EYS: variants seen among roughly 807,000 people sequenced by gnomAD.
EYS encodes the protein EGF-like photoreceptor maintenance factor, also known as protein eyes shut homolog.
Under a neutral mutation model 282.1 loss-of-function variants are expected in EYS, and 250 were observed. The observed-to-expected ratio is 0.89, with a 90% CI of 0.80 to 0.98. The LOEUF (loss-of-function observed/expected upper bound fraction) is 0.98. EYS is among the 50% of genes least tolerant of loss of function. The pLI, the probability that EYS is intolerant of heterozygous loss-of-function variation, is 0.00. For missense variants in EYS, 4,016 were observed against 3,709.0 expected (o/e 1.08, Z -2.15); for synonymous variants, 1,355 against 1,282.9 (o/e 1.06, Z -1.20).
At chr6:63,907,169 A>G (rs1276276496) in intron 35 of EYS, among the ~76,000 whole-genome samples, 4 of 152,126 alleles carry the variant, frequency 2.6e-5, no homozygotes, top group African/African-American at 9.7e-5. Context: ...CTTCCTTGTT[A>G]CCTTTTCTTT....
intron 32 of EYS, among the ~76,000 whole-genome samples, chr6:64,073,561 A>G (rs62415299): frequency 0.039 from 5,972 of 151,952 alleles, 182 homozygotes; most frequent in Non-Finnish European, 0.056. Flanking sequence ...GGGAAAAGTT[A>G]GTGGCAATTA....
chr6:65,566,763 C>G (rs1470721979), intron 2 of EYS, among the ~76,000 whole-genome samples: 1 of 152,088 alleles, frequency 6.6e-6, no homozygotes, highest in Non-Finnish European at 1.5e-5. Context: ...AAATTATACA[C>G]AATGAATTCA....
intron 13 of EYS, among the ~76,000 whole-genome samples, chr6:65,052,189 C>T (rs1291466563): frequency 6.6e-6 from 1 of 151,368 alleles, no homozygotes; most frequent in Non-Finnish European, 1.5e-5. Flanking sequence ...TTTTCACATA[C>T]CCAACCCCAT....
intron 30 of EYS, among the ~76,000 whole-genome samples, chr6:64,251,908 GA>G (rs747133639): frequency 2.0e-5 from 3 of 152,060 alleles, no homozygotes; most frequent in Admixed American, 1.3e-4. Flanking sequence ...GAGGTCAACT[GA>G]TTTAAATCCT....
intron 1 of EYS, among the ~76,000 whole-genome samples, chr6:65,678,409 T>C (rs577868126): frequency 2.0e-5 from 3 of 152,110 alleles, no homozygotes; most frequent in South Asian, 4.1e-4. Context: ...TCAGATGCAA[T>C]AGAATAAAAT....
intron 5 of EYS, among the ~76,000 whole-genome samples, chr6:65,477,408 C>T (rs990744809): frequency 6.6e-6 from 1 of 152,186 alleles, no homozygotes; most frequent in African/African-American, 2.4e-5. Context: ...AAAAGACTTA[C>T]ACTTTACCAG....
At chr6:64,131,129 A>T (rs1035358092) in intron 31 of EYS, among the ~76,000 whole-genome samples, 2 of 152,084 alleles carry the variant, frequency 1.3e-5, no homozygotes, top group African/African-American at 4.8e-5. Context: ...GGCCTCCCAA[A>T]GTGCTGGGAT....
chr6:65,425,071 A>G lies in EYS; in HGVS notation c.863-19704T>C, dbSNP rs568455562. On this transcript the variant is annotated intron_variant, in intron 5 of 42. Transcript: ENST00000503581. Reference sequence around the variant, plus strand: ...CAGTACCAAAGCGCTCCTTTGACCAACTATCTTGGTCAGCTGAAAAGCCTT... The same window carrying G: ...CAGTACCAAAGCGCTCCTTTGACCAGCTATCTTGGTCAGCTGAAAAGCCTT... 5.9e-5 allele frequency among the ~76,000 whole-genome samples: 9 copies of G among 152,238 alleles called. 1 individual carries two copies. In the South Asian group the frequency reaches 1.9e-3, roughly 32 times the overall value.
chr6:65,481,604 A>G (rs1261887709), intron 5 of EYS, among the ~76,000 whole-genome samples: 1 of 152,222 alleles, frequency 6.6e-6, no homozygotes, highest in African/African-American at 2.4e-5. Context: ...GCTGAAGTGC[A>G]GTGGCGCGAT....
intron 19 of EYS, among the ~76,000 whole-genome samples, chr6:64,857,453 T>C (rs777671391): frequency 1.1e-4 from 16 of 152,338 alleles, no homozygotes; most frequent in South Asian, 2.1e-4. Flanking sequence ...AAAGGTTGAA[T>C]AGTATTCCAT....
At chr6:64,690,802 G>A (rs1233248443) in intron 22 of EYS, among the ~76,000 whole-genome samples, 1 of 151,972 alleles carries the variant, frequency 6.6e-6, no homozygotes, top group Admixed American at 6.6e-5. Context: ...ACAAAGGATG[G>A]GGAACATCAC....
intron 41 of EYS, among the ~76,000 whole-genome samples, chr6:63,760,765 C>T (rs1489139328): frequency 6.6e-6 from 1 of 151,784 alleles, no homozygotes; most frequent in Non-Finnish European, 1.5e-5. Flanking sequence ...TATTTATATA[C>T]ATCCACACAC....
At chr6:63,776,539 A>G (rs532841082) in intron 40 of EYS, among the ~76,000 whole-genome samples, 39 of 152,284 alleles carry the variant, frequency 2.6e-4, no homozygotes, top group Admixed American at 2.4e-3. Flanking sequence ...GGAGCAATGG[A>G]AATAATATTT....
At chr6:64,410,678 G>A (rs1228206129) in intron 28 of EYS, among the ~76,000 whole-genome samples, 1 of 152,058 alleles carries the variant, frequency 6.6e-6, no homozygotes, top group South Asian at 2.1e-4. Context: ...CATAAAACAT[G>A]AAAAATTCTG....
intron 2 of EYS, among the ~76,000 whole-genome samples, chr6:65,576,095 C>G (rs1582474990): frequency 6.6e-6 from 1 of 152,030 alleles, no homozygotes; most frequent in Admixed American, 6.6e-5. Flanking sequence ...CAGCATTACC[C>G]AAATACCAAA....
At chr6:65,374,812 T>C (rs941162791) in intron 8 of EYS, among the ~76,000 whole-genome samples, 5 of 152,138 alleles carry the variant, frequency 3.3e-5, no homozygotes, top group Admixed American at 1.3e-4. Context: ...AAAGCTGCTA[T>C]AGCCAGACTG....
Position 63,721,336 on chromosome 6 carries a change from A to G in EYS, c.8695T>C (p.Cys2899Arg), listed in dbSNP as rs1245199091. The G allele has an allele frequency of 1.9e-6, 3 of 1,551,892 alleles. No homozygotes were observed. Among genetic ancestry groups the G allele is most frequent in the Non-Finnish European group, 2.6e-6 (3 of 1,147,012 alleles). ...ECTVNGTTFS[C>R]RCLPDWAGNT... is the part of the protein sequence containing the mutation. ...CCAGCCCAATCTGGCAAACATCTGC[A>G]AGAAAAAGTTGTGCCATTTACTGTA... The change falls in exon 43 of 43, where the codon TGC becomes CGC. Residue 2899 changes from cysteine (C) to arginine (R), a missense_variant. By Grantham distance (180) the Cys-to-Arg change is radical. Transcript: ENST00000503581.
intron 26 of EYS, among the ~76,000 whole-genome samples, chr6:64,444,629 T>C (rs1451555180): frequency 6.6e-6 from 1 of 152,154 alleles, no homozygotes; most frequent in African/African-American, 2.4e-5. Context: ...CCTAGCATGA[T>C]ACATGATTCT....
chr6:64,074,350 GAAAT>G (rs1314525535), intron 32 of EYS, among the ~76,000 whole-genome samples: 2 of 150,812 alleles, frequency 1.3e-5, no homozygotes, highest in Non-Finnish European at 3.0e-5. Flanking sequence ...CTTATAAAAA[GAAAT>G]AATGAAATAA....
Sources: allele counts gnomAD v4.1 joint callset (sites outside exome capture counted in the v4.1 genomes callset), GRCh38; gene constraint gnomAD v4.1.1; transcripts MANE v1.5; gene names NCBI Gene and HGNC (gene_info 2026-07-23, HGNC 2026-07-21).